The following RYR3 variants were observed in gnomAD, a reference collection of about 807,000 sequenced individuals.
RYR3 encodes the protein ryanodine receptor 3, also known as brain ryanodine receptor-calcium release channel.
Under a neutral mutation model 584.3 loss-of-function variants are expected in RYR3, and 207 were observed. The observed-to-expected ratio is 0.35, with a 90% confidence interval of 0.32 to 0.40. The LOEUF (loss-of-function observed/expected upper bound fraction) is 0.40. Ranked by LOEUF, RYR3 falls within the 10% of genes least tolerant of loss-of-function variation. RYR3 has a pLI of 1.00. For missense variants in RYR3, 5,616 were observed against 6,089.2 expected, an observed-to-expected ratio of 0.92 and a Z score of 2.59; for synonymous variants, 2,416 against 2,248.5, an observed-to-expected ratio of 1.07 and a Z score of -2.11.
Position 33,663,709 on chromosome 15 carries a change from A to G in RYR3, c.5591A>G (p.Lys1864Arg), listed in dbSNP as rs774589130. 2.6e-5 allele frequency: 42 copies of G among 1,609,672 alleles called. No individual in the cohort carries two copies. The highest frequency in any genetic ancestry group is 8.4e-5 in the Admixed American group (5 of 59,700). The change falls in exon 36 of 104, where the codon AAG (lysine) becomes AGG (arginine). Residue 1864 changes from lysine (K) to arginine (R), a missense_variant. Coordinates refer to ENST00000634891, the MANE Select transcript of RYR3 (RefSeq NM_001036.6). ...MSAALTARKT[K>R]EFRSPPQEQI... is the part of the protein sequence containing the mutation. ...GCGGCCCTGACTGCCCGGAAGACCA[A>G]GGAGTTCCGCTCACCCCCACAGGAG... is the stretch of plus-strand genomic sequence containing the variant.
intron 82 of RYR3, 118 bp from the exon 83 acceptor site, chr15:33,826,134 T>C: frequency 1.0e-6 from 1 of 985,204 alleles, no homozygotes; most frequent in Non-Finnish European, 1.6e-6. Context: ...TCGGTAGCTT[T>C]AATAAAGCTA....
chr15:33,615,640 G>C (rs1031380507), intron 19 of RYR3, among the ~76,000 whole-genome samples: 1 of 152,142 alleles, frequency 6.6e-6, no homozygotes, highest in Admixed American at 6.5e-5. Context: ...TCAAGCCAGG[G>C]AATCTTACGC....
chr15:33,735,977 A>G (rs1019299105), intron 48 of RYR3, among the ~76,000 whole-genome samples: 3 of 152,188 alleles, frequency 2.0e-5, no homozygotes, highest in African/African-American at 7.2e-5. Flanking sequence ...TTGAGTATGC[A>G]TATATCCTAG....
chr15:33,858,802 ATC>A (rs2080006892), intron 99 of RYR3: 2 of 152,198 alleles, frequency 1.3e-5, no homozygotes, highest in Admixed American at 6.5e-5. Flanking sequence ...CAGAAAAAGA[ATC>A]TGTGTCTCAG....
In RYR3 at chr15:33,636,417, C is replaced by G. The variant is rs758997074; in HGVS notation, c.3423C>G (p.Thr1141=). 1 of 1,613,920 alleles carries G rather than the reference C, an allele frequency of 6.2e-7. No homozygotes were observed. Among genetic ancestry groups the G allele is most frequent in the Admixed American group, 1.7e-5 (1 of 60,012 alleles). ...AAGGAAGTGGGTATTTTGGGCGTACCTGGCAGCCAGGGGATGTGGTCGGAT... is the reference window on the plus strand; with the variant it reads ...AAGGAAGTGGGTATTTTGGGCGTACGTGGCAGCCAGGGGATGTGGTCGGAT... The part of the protein sequence containing the change: ...WHQGSGYFGR[T]WQPGDVVGCM... The change falls in exon 27 of 104, where the codon ACC becomes ACG. Residue 1141 remains threonine, a synonymous_variant. Transcript: ENST00000634891.
chr15:33,554,602 C>A (rs972784010), intron 10 of RYR3, among the ~76,000 whole-genome samples: 1 of 152,188 alleles, frequency 6.6e-6, no homozygotes, highest in Non-Finnish European at 1.5e-5. Flanking sequence ...GGCCAACCTC[C>A]ATTATCTTTA....
Position 33,581,391 on chromosome 15 carries a change from A to G in RYR3, c.1438-117A>G. 7 of 1,036,776 alleles carry G rather than the reference A, an allele frequency of 6.8e-6. No homozygotes were observed. In the Middle Eastern group the frequency reaches 6.5e-4, roughly 97 times the overall value. 64.2% of individuals were successfully genotyped at this position (1,036,776 alleles called of 1,614,324 possible). Reference sequence around the variant, plus strand: ...AACCCAACTGGCACCATGAAGGTCTATTTGCATATTGGCATTTTCAGCTTT... The same window carrying G: ...AACCCAACTGGCACCATGAAGGTCTGTTTGCATATTGGCATTTTCAGCTTT... On this transcript the variant is annotated intron_variant, in intron 13 of 103. Transcript: ENST00000634891.
intron 1 of RYR3, among the ~76,000 whole-genome samples, chr15:33,386,501 A>G (rs1337510007): frequency 6.6e-6 from 1 of 152,246 alleles, no homozygotes; most frequent in East Asian, 1.9e-4. Flanking sequence ...CTGAGAAGAC[A>G]ATGGATAATG....
intron 1 of RYR3, among the ~76,000 whole-genome samples, chr15:33,471,142 G>C (rs761447801): frequency 3.3e-5 from 5 of 152,222 alleles, no homozygotes; most frequent in Non-Finnish European, 5.9e-5. Flanking sequence ...GGAAATAATT[G>C]CTGCTATATG....
intron 3 of RYR3, among the ~76,000 whole-genome samples, chr15:33,515,097 G>A (rs1442924682): frequency 6.6e-6 from 1 of 152,176 alleles, no homozygotes; most frequent in East Asian, 1.9e-4. Context: ...ATACATTCAT[G>A]TAATTTATAA....
At chr15:33,826,479 T>C (rs1246553798) in intron 83 of RYR3, among the ~76,000 whole-genome samples, 193 bp from the exon 84 acceptor site, 1 of 152,238 alleles carries the variant, frequency 6.6e-6, no homozygotes, top group African/African-American at 2.4e-5. Context: ...GTTGTCTTCA[T>C]TACAAATGCA....
intron 8 of RYR3, among the ~76,000 whole-genome samples, chr15:33,546,379 G>T (rs75865090): frequency 3.3e-5 from 5 of 152,232 alleles, no homozygotes; most frequent in African/African-American, 9.6e-5. Flanking sequence ...TATCATTTCC[G>T]TTCTAGGCCT....
At chr15:33,849,334 C>G (rs760114432) in intron 94 of RYR3, 1 of 152,184 alleles carries the variant, frequency 6.6e-6, no homozygotes, top group African/African-American at 2.4e-5. Flanking sequence ...GCAGGTGACA[C>G]CAAGGCTCTG....
chr15:33,731,830 T>C, intron 48 of RYR3, 136 bp downstream of exon 48: 1 of 669,738 alleles, frequency 1.5e-6, no homozygotes, highest in Non-Finnish European at 2.7e-6. Flanking sequence ...CCCCCAGACA[T>C]CTCATAGGAT....
intron 38 of RYR3, among the ~76,000 whole-genome samples, chr15:33,695,049 A>G (rs1026526736): frequency 2.0e-5 from 3 of 152,308 alleles, no homozygotes; most frequent in African/African-American, 7.2e-5. Flanking sequence ...GGGCTACCAG[A>G]AGCACTGATC....
intron 1 of RYR3, among the ~76,000 whole-genome samples, chr15:33,353,736 A>G (rs1973584485): frequency 6.6e-6 from 1 of 152,110 alleles, no homozygotes; most frequent in Non-Finnish European, 1.5e-5. Flanking sequence ...ACTCCTGCGG[A>G]GCAGTTTTCC....
At chr15:33,342,600 A>G (rs1971960425) in intron 1 of RYR3, among the ~76,000 whole-genome samples, 1 of 134,624 alleles carries the variant, frequency 7.4e-6, no homozygotes, top group South Asian at 2.4e-4. Context: ...ATATTATCCA[A>G]TAATCAATCT....
intron 1 of RYR3, among the ~76,000 whole-genome samples, chr15:33,452,063 T>G (rs1247179171): frequency 6.6e-6 from 1 of 152,206 alleles, no homozygotes; most frequent in Non-Finnish European, 1.5e-5. Context: ...ACAGACGTGA[T>G]AGTGGGACAA....
At chr15:33,498,909 CA>C (rs2051693462) in intron 2 of RYR3, among the ~76,000 whole-genome samples, 2 of 152,124 alleles carry the variant, frequency 1.3e-5, no homozygotes, top group South Asian at 4.1e-4. Flanking sequence ...TCAGTTTTCT[CA>C]GCACCATTTG....
Sources: allele counts gnomAD v4.1 joint callset (sites outside exome capture counted in the v4.1 genomes callset), GRCh38; gene constraint gnomAD v4.1.1; transcripts MANE v1.5; gene names NCBI Gene and HGNC (gene_info 2026-07-23, HGNC 2026-07-21).